CES4A: variants seen among roughly 807,000 people sequenced by gnomAD.
CES4A encodes the protein carboxylesterase 6.
CES4A carries 48 observed loss-of-function variants against 65.4 expected under a neutral mutation model. That is an observed-to-expected ratio of 0.73 (90% CI 0.58 to 0.93). CES4A has a LOEUF of 0.93. Among genes scored for constraint, CES4A ranks in the 40% least tolerant of loss-of-function variants. The pLI, the probability that CES4A is intolerant of heterozygous loss-of-function variation, is 0.00. For missense variants in CES4A, 685 were observed against 728.5 expected (o/e 0.94, Z 0.69); for synonymous variants, 247 against 281.8 (o/e 0.88, Z 1.24).
At chr16:66,994,446 C>T (rs905454348) in intron 1 of CES4A, among the ~76,000 whole-genome samples, 2 of 150,294 alleles carry the variant, frequency 1.3e-5, no homozygotes, top group Admixed American at 6.6e-5. Context: ...TTCCTGACCT[C>T]GTGATCCACC....
At chr16:66,991,087 C>T (rs576695822) in intron 1 of CES4A, among the ~76,000 whole-genome samples, 1 of 152,024 alleles carries the variant, frequency 6.6e-6, no homozygotes, top group African/African-American at 2.4e-5. Flanking sequence ...CACAGTGATG[C>T]GATCTTGGCT....
In CES4A at chr16:67,000,979, C is replaced by A. The variant is rs754013353; in HGVS notation, c.525C>A (p.Phe175Leu). ...TTCTGCAGCACAGGCTCGGCATCTT[C>A]GGCTTCCTGAGGTGGCGGGGCCGGT... The change falls in exon 4 of 14, where the codon TTC becomes TTA. Residue 175 changes from phenylalanine (F) to leucine (L), a missense_variant. Coordinates refer to ENST00000648724, the Ensembl canonical transcript of CES4A. The surrounding 1 kb of genome is among the most constrained non-coding windows in gnomAD (Gnocchi z 4.2). The A allele has an allele frequency of 1.9e-5, 30 of 1,605,218 alleles. No homozygotes were observed. The highest frequency in any genetic ancestry group is 2.5e-5 in the Non-Finnish European group (29 of 1,174,884).
intron 2 of CES4A, among the ~76,000 whole-genome samples, chr16:66,996,972 C>T (rs1335418451): frequency 1.3e-5 from 2 of 151,448 alleles, no homozygotes; most frequent in African/African-American, 4.9e-5. Context: ...GGGAGGCTCA[C>T]TTGATCAAAG....
intron 10 of CES4A, 157 bp downstream of exon 10, chr16:67,005,030 C>T (rs1965644127): frequency 1.4e-6 from 1 of 738,962 alleles, no homozygotes; most frequent in African/African-American, 1.8e-5. Context: ...TGACTGCTTA[C>T]AGGTAAGGTG....
At chr16:66,995,525 T>C in intron 1 of CES4A, 103 bp from the exon 2 acceptor site, 1 of 972,358 alleles carries the variant, frequency 1.0e-6, no homozygotes, top group Non-Finnish European at 1.6e-6. Flanking sequence ...TTCCCCTCTC[T>C]TTCCAGGTGC....
Position 66,992,976 on chromosome 16 carries a change from G to A in CES4A, c.59-2652G>A, listed in dbSNP as rs563964786. 1.9e-4 allele frequency among the ~76,000 whole-genome samples: 29 copies of A among 152,200 alleles called. No homozygotes were observed. In the South Asian group the frequency reaches 5.2e-3, roughly 27 times the overall value. On this transcript the variant is annotated intron_variant, in intron 1 of 13. Coordinates refer to ENST00000648724, the Ensembl canonical transcript of CES4A. ...TCTGGGCTTATAGGCGTGAGCCACC[G>A]TGCCCAGCCCAATTCGGTTTTGATA...
intron 13 of CES4A, chr16:67,007,071 T>C (rs529269852): frequency 2.1e-6 from 1 of 479,064 alleles, no homozygotes. Flanking sequence ...CACTGCACTC[T>C]TTTGGGCCCA....
rs1965507962 is a variant in CES4A at position 67,003,441 on chromosome 16, T to A, written c.901-74T>A. On this transcript the variant is annotated intron_variant, in intron 7 of 13. Coordinates refer to ENST00000648724, the Ensembl canonical transcript of CES4A. This position sits in a 1 kb window ranked among gnomAD's most constrained non-coding sequence, Gnocchi z 4.2. The stretch of plus-strand genomic sequence containing the variant: ...CTGGTACCCAGCCACCCCCAACTAC[T>A]TCCCCAGGGACCCTGTCTCAAGAGC... The A allele has an allele frequency of 1.9e-6, 3 of 1,588,072 alleles. No individual in the cohort carries two copies. The highest frequency in any genetic ancestry group is 2.6e-6 in the Non-Finnish European group (3 of 1,156,480).
At chr16:67,005,549 C>A in intron 11 of CES4A, 156 bp downstream of exon 11, 1 of 727,620 alleles carries the variant, frequency 1.4e-6, no homozygotes, top group Non-Finnish European at 2.2e-6. Context: ...ATGCTATCAA[C>A]TACAAGAGAG....
chr16:67,001,012 G>A lies in CES4A; in HGVS notation c.536+22G>A, dbSNP rs201559651. On this transcript the variant is annotated intron_variant, in intron 4 of 13. Coordinates refer to ENST00000648724, the Ensembl canonical transcript of CES4A. The surrounding 1 kb of genome is among the most constrained non-coding windows in gnomAD (Gnocchi z 4.1). ...TGAGGTGGCGGGGCCGGTACCCTTT[G>A]GGACCGCAGCTGTGGCCAGAGCGGC... The A allele has an allele frequency of 1.1e-3, 1,819 of 1,610,138 alleles. 3 individuals carry two copies. The highest frequency in any genetic ancestry group is 1.3e-3 in the Non-Finnish European group (1,489 of 1,178,590).
Position 67,000,419 on chromosome 16 carries a change from C to T in CES4A, c.261-219C>T, listed in dbSNP as rs1965189950. 7.3e-7 allele frequency: 1 copy of T among 1,361,644 alleles called. No individual in the cohort carries two copies. The highest frequency in any genetic ancestry group is 9.5e-7 in the Non-Finnish European group (1 of 1,050,386). 84.3% of individuals were successfully genotyped at this position (1,361,644 alleles called of 1,614,324 possible). On this transcript the variant is annotated intron_variant, in intron 2 of 13. Coordinates refer to ENST00000648724, the Ensembl canonical transcript of CES4A. This position sits in a 1 kb window ranked among gnomAD's most constrained non-coding sequence, Gnocchi z 4.2. Reference sequence around the variant, plus strand: ...GGAATCTCTCCACGGACTGAGGCGCCGGGCAGGGAGGGGATGGTTCCTGAG... The same window carrying T: ...GGAATCTCTCCACGGACTGAGGCGCTGGGCAGGGAGGGGATGGTTCCTGAG...
At position 67,008,689 on chromosome 16, in the gene CES4A, C is replaced by A. The variant is rs573335220; in HGVS notation, c.1518-285C>A. The A allele has an allele frequency of 2.9e-4, 90 of 305,284 alleles. 2 individuals are homozygous for A. In the South Asian group the frequency reaches 3.8e-3, roughly 13 times the overall value. 18.9% of individuals were successfully genotyped at this position (305,284 alleles called of 1,614,324 possible). A position where few individuals can be genotyped will look rare whatever the true frequency, so the allele number is the denominator to read the frequency against. On this transcript the variant is annotated intron_variant, in intron 13 of 13. Coordinates refer to ENST00000648724, the Ensembl canonical transcript of CES4A. ...TGCTGGGATTACAGGCATGAGCCAC[C>A]AGGCCTGGCCACACACACACTCTGT...
chr16:67,003,629 A>G lies in CES4A; in HGVS notation c.939+76A>G. ...TGCCAGGCACTTGGGATACTTAGGGAATTGTTCAGGCCAAGATCCCTTCCC... is the reference window on the plus strand; with the variant it reads ...TGCCAGGCACTTGGGATACTTAGGGGATTGTTCAGGCCAAGATCCCTTCCC... On this transcript the variant is annotated intron_variant, in intron 8 of 13. Transcript: ENST00000648724. This position sits in a 1 kb window ranked among gnomAD's most constrained non-coding sequence, Gnocchi z 4.2. The G allele has an allele frequency of 8.2e-7, 1 of 1,221,990 alleles. No individual in the cohort carries two copies. The highest frequency in any genetic ancestry group is 1.9e-4 in the Middle Eastern group (1 of 5,326). The allele number at this position is 1,221,990 out of a possible 1,614,324, so 75.7% of individuals were successfully genotyped here.
intron 11 of CES4A, 44 bp from the exon 12 acceptor site, chr16:67,006,347 G>A (rs2145664874): frequency 6.5e-7 from 1 of 1,535,438 alleles, no homozygotes; most frequent in East Asian, 2.4e-5. Flanking sequence ...AGAAGCCTAG[G>A]CAGAGGCTTT....
intron 9 of CES4A, 37 bp downstream of exon 9, chr16:67,004,261 G>A (rs369649120): frequency 1.3e-5 from 21 of 1,611,166 alleles, no homozygotes; most frequent in African/African-American, 4.0e-5. Flanking sequence ...CTTGCCTTAC[G>A]TAAGTGAGTA....
In CES4A at chr16:67,001,029, C is replaced by G. The variant is rs1454243669; in HGVS notation, c.536+39C>G. ...TACCCTTTGGGACCGCAGCTGTGGC[C>G]AGAGCGGCGGGGACTGGGTGGGAAG... On this transcript the variant is annotated intron_variant, in intron 4 of 13. Transcript: ENST00000648724. The surrounding 1 kb of genome is among the most constrained non-coding windows in gnomAD (Gnocchi z 4.1). 1 of 1,434,274 alleles carries G rather than the reference C, an allele frequency of 7.0e-7. No individual in the cohort carries two copies. Among genetic ancestry groups the G allele is most frequent in the South Asian group, 1.1e-5 (1 of 88,016 alleles). The allele number at this position is 1,434,274 out of a possible 1,614,324, so 88.8% of individuals were successfully genotyped here.
At position 67,001,061 on chromosome 16, in the gene CES4A, GC is replaced by G; in HGVS notation, c.536+72del. ...GCGGGGACTGGGTGGGAAGGGAGGG[GC>G]GGGGCCTGGGGCGGGGATGGGGGGG... On this transcript the variant is annotated intron_variant, in intron 4 of 13. Coordinates refer to ENST00000648724, the Ensembl canonical transcript of CES4A. This position sits in a 1 kb window ranked among gnomAD's most constrained non-coding sequence, Gnocchi z 4.1. 9.3e-7 allele frequency: 1 copy of G among 1,077,968 alleles called. No homozygotes were observed. 66.8% of individuals were successfully genotyped at this position (1,077,968 alleles called of 1,614,324 possible).
At chr16:67,006,591 A>G in intron 12 of CES4A, 72 bp downstream of exon 12, 1 of 1,565,106 alleles carries the variant, frequency 6.4e-7, no homozygotes, top group South Asian at 1.1e-5. Flanking sequence ...CCACCCCTCC[A>G]TTGGCTGGCC....
chr16:67,006,920 T>TGGG (rs1193911132), intron 13 of CES4A, 103 bp downstream of exon 13: 1 of 1,130,954 alleles, frequency 8.8e-7, no homozygotes, highest in East Asian at 2.4e-5. Flanking sequence ...CTACAGGAAC[T>TGGG]GCCCAGTCGG....
Sources: allele counts gnomAD v4.1 joint callset (sites outside exome capture counted in the v4.1 genomes callset), GRCh38; gene constraint gnomAD v4.1.1; non-coding constraint Gnocchi (gnomAD v3.1); transcripts MANE v1.5; gene names NCBI Gene and HGNC (gene_info 2026-07-23, HGNC 2026-07-21).